Variants in VNN2 observed in about 807,000 individuals in gnomAD.
VNN2 encodes vanin 2.
In VNN2, 43 loss-of-function variants were observed where a neutral mutation model predicts 43.0. The observed-to-expected ratio is 1.00, with a 90% CI of 0.78 to 1.29. The LOEUF (loss-of-function observed/expected upper bound fraction) is 1.29. Among genes scored for constraint, VNN2 ranks in the 50% most tolerant of loss-of-function variants. VNN2 has a pLI of 0.00. For missense variants in VNN2, 652 were observed against 619.7 expected, an observed-to-expected ratio of 1.05 and a Z score of -0.55; for synonymous variants, 230 against 224.3, an observed-to-expected ratio of 1.03 and a Z score of -0.23.
At chr6:132,757,976 C>T, upstream of VNN2, 1 of 853,730 alleles carries the variant, frequency 1.2e-6, no homozygotes, top group Non-Finnish European at 1.6e-6. Flanking sequence ...CTGCCAGTTA[C>T]TGGCCTTTTA....
At chr6:132,754,815 T>A (rs1780352964) in intron 3 of VNN2, among the ~76,000 whole-genome samples, 1 of 152,210 alleles carries the variant, frequency 6.6e-6, no homozygotes, top group Admixed American at 6.5e-5. Flanking sequence ...TGATAGCAAA[T>A]TAACTTATGC....
chr6:132,750,999 T>TAG (rs1456927610), intron 5 of VNN2, 146 bp downstream of exon 5: 9 of 917,868 alleles, frequency 9.8e-6, no homozygotes, highest in African/African-American at 1.7e-5. Flanking sequence ...AATGCACGTG[T>TAG]GTGTGTGTGT....
chr6:132,744,476 G>T lies in VNN2; in HGVS notation c.1387C>A (p.Arg463Ser). The T allele has an allele frequency of 6.3e-7, 1 of 1,579,526 alleles. No individual in the cohort carries two copies. The highest frequency in any genetic ancestry group is 1.9e-5 in the Admixed American group (1 of 51,444). ...GATGATCCATTCTTGTTTACCAAAC[G>T]CCCATCTTTCAGCACCTAAAGAAAA... ...PGKFEVLKDG[R>S]LVNKNGSSGP... The change falls in exon 7 of 7, where the codon CGT becomes AGT. Residue 463 changes from arginine (R) to serine (S), a missense_variant. Transcript: ENST00000326499.
intron 6 of VNN2, among the ~76,000 whole-genome samples, chr6:132,745,558 T>C (rs1429011237): frequency 6.6e-6 from 1 of 152,198 alleles, no homozygotes; most frequent in Non-Finnish European, 1.5e-5. Flanking sequence ...GGCGGGAATA[T>C]TGACACAATG....
chr6:132,748,100 T>C (rs1257070558), intron 6 of VNN2, among the ~76,000 whole-genome samples: 1 of 152,238 alleles, frequency 6.6e-6, no homozygotes, highest in Non-Finnish European at 1.5e-5. Flanking sequence ...TTACAGAATA[T>C]AATGCATCAA....
rs140940953 is a variant in VNN2, at chr6:132,749,389, G to A, written c.1371+306C>T. Among the ~76,000 whole-genome samples the A allele has an allele frequency of 9.2e-5, 14 of 152,302 alleles. No homozygotes were observed. The South Asian group carries it at 2.7e-3, about 29-fold the overall frequency. ...TTGCTGAAAGATGAGAGACCACGGG[G>A]AGAGATGGCCTTAATAATCCCAGCT... On this transcript the variant is annotated intron_variant, in intron 6 of 6. Transcript: ENST00000326499.
chr6:132,745,900 G>A (rs1779688328), intron 6 of VNN2, among the ~76,000 whole-genome samples: 1 of 152,226 alleles, frequency 6.6e-6, no homozygotes, highest in Non-Finnish European at 1.5e-5. Context: ...AGAAGAAATT[G>A]AAAATTGGGA....
At chr6:132,753,280 C>T (rs1780244949) in intron 3 of VNN2, 6 of 264,778 alleles carry the variant, frequency 2.3e-5, no homozygotes. Flanking sequence ...CCACCTGGGC[C>T]TCCCAAAGTG....
Position 132,757,792 on chromosome 6 carries a change from T to C in VNN2, c.92A>G (p.Tyr31Cys). Reference sequence around the variant, plus strand: ...ATTTGGCAAAATGACAGCATGTTCATACACTGCAGCTATAAAACTGTCCTG... The same window carrying C: ...ATTTGGCAAAATGACAGCATGTTCACACACTGCAGCTATAAAACTGTCCTG... ...GTQDSFIAAV[Y>C]EHAVILPNKT... The change falls in exon 1 of 7, where the codon TAT becomes TGT. Residue 31 changes from tyrosine to cysteine, a missense_variant. Transcript: ENST00000326499. 6.2e-7 allele frequency: 1 copy of C among 1,614,124 alleles called. No homozygotes were observed. Among genetic ancestry groups the C allele is most frequent in the Non-Finnish European group, 8.5e-7 (1 of 1,180,034 alleles).
At chr6:132,759,462 C>G (rs1457111034), upstream of VNN2, among the ~76,000 whole-genome samples, 3 of 104,322 alleles carry the variant, frequency 2.9e-5, no homozygotes, top group African/African-American at 4.0e-5. Context: ...AAAAAAAAAA[C>G]AATAATAACA....
chr6:132,758,036 CTTCTTT>C (rs1562254187), upstream of VNN2: 10 of 69,112 alleles, frequency 1.4e-4, no homozygotes, highest in South Asian at 7.3e-4. Context: ...TCTTCTTCTT[CTTCTTT>C]TTTTTTTTTT....
At chr6:132,750,937 T>C (rs893479851) in intron 5 of VNN2, among the ~76,000 whole-genome samples, 1 of 152,182 alleles carries the variant, frequency 6.6e-6, no homozygotes, top group Non-Finnish European at 1.5e-5. Context: ...AGCAATAAGA[T>C]TATACTTAAT....
At position 132,749,716 on chromosome 6, in the gene VNN2, A is replaced by G. The variant is rs778736330; in HGVS notation, c.1350T>C (p.His450=). ...VFPEVLLTEI[H]LSPGKFEVLK... is the part of the protein sequence containing the mutation. ...TTACCTCAAATTTTCCAGGTGACAG[A>G]TGAATTTCGGTAAGTAGCACTTCAG... The change falls in exon 6 of 7, where the codon CAT becomes CAC. Residue 450 remains histidine, a synonymous_variant. Coordinates refer to ENST00000326499, the MANE Select transcript of VNN2 (RefSeq NM_004665.6). The G allele has an allele frequency of 6.2e-7, 1 of 1,612,892 alleles. No homozygotes were observed. The highest frequency in any genetic ancestry group is 1.7e-5 in the Admixed American group (1 of 59,688).
chr6:132,760,793 T>C (rs1239848559), upstream of VNN2: 1 of 152,216 alleles, frequency 6.6e-6, no homozygotes, highest in Non-Finnish European at 1.5e-5. Context: ...GATGTTTTTC[T>C]CTGTCCTTGG....
chr6:132,758,036 CTTCTTTTTTTTTTTTTT>C, upstream of VNN2: 2 of 68,896 alleles, frequency 2.9e-5, no homozygotes, highest in Non-Finnish European at 4.7e-5. Flanking sequence ...TCTTCTTCTT[CTTCTTTTTTTTTTTTTT>C]TTTTTTTTTT....
upstream of VNN2, among the ~76,000 whole-genome samples, chr6:132,758,928 C>T (rs1780657233): frequency 6.6e-6 from 1 of 152,062 alleles, no homozygotes; most frequent in Non-Finnish European, 1.5e-5. Flanking sequence ...TTCTTTCTCT[C>T]TTTCACCCTT....
In VNN2 at chr6:132,744,342, T is replaced by C. The variant is rs1351223903; in HGVS notation, c.1521A>G (p.Ile507Met). 6.2e-7 allele frequency: 1 copy of C among 1,612,918 alleles called. No homozygotes were observed. The highest frequency in any genetic ancestry group is 8.5e-7 in the Non-Finnish European group (1 of 1,179,692). ...NSAITYLLIFILLMIIALQNI... is the reference protein window; with the variant it reads ...NSAITYLLIFMLLMIIALQNI... ...TTTGCAAAGCTATGATCATTAATAA[T>C]ATGAATATTAGCAGGTAAGTTATTG... Residue 507 changes from isoleucine to methionine, a missense_variant, in exon 7 of 7, where the codon ATA becomes ATG. By Grantham distance (10) the Ile-to-Met change is conservative. Coordinates refer to ENST00000326499, the MANE Select transcript of VNN2 (RefSeq NM_004665.6).
chr6:132,748,217 T>A (rs1041216608), intron 6 of VNN2, among the ~76,000 whole-genome samples: 5 of 152,216 alleles, frequency 3.3e-5, no homozygotes, highest in African/African-American at 1.2e-4. Context: ...TCCAGCCACC[T>A]TTTAGCTACT....
chr6:132,760,129 C>T (rs1347503076), upstream of VNN2, among the ~76,000 whole-genome samples: 3 of 152,274 alleles, frequency 2.0e-5, no homozygotes, highest in South Asian at 4.1e-4. Context: ...CTTTTAATGT[C>T]TGCAACTGAG....
Sources: gnomAD v4.1 joint callset for allele counts (sites outside exome capture counted in the v4.1 genomes callset) on GRCh38, gnomAD v4.1.1 for gene constraint, MANE v1.5 for transcripts, NCBI Gene and HGNC (gene_info 2026-07-23, HGNC 2026-07-21) for gene names.